Variants in EPHA7 observed in about 807,000 individuals in gnomAD.
The protein encoded by EPHA7 is EPH receptor A7.
A neutral mutation model predicts 112.6 loss-of-function variants in EPHA7; 25 were observed. The observed-to-expected ratio is 0.22, with a 90% CI of 0.16 to 0.31. The LOEUF (loss-of-function observed/expected upper bound fraction) is 0.31. Among genes scored for constraint, EPHA7 ranks in the 10% least tolerant of loss-of-function variants. The pLI is 1.00. For missense variants in EPHA7, 962 were observed against 1,212.6 expected (o/e 0.79, Z 3.07); for synonymous variants, 437 against 406.5 (o/e 1.07, Z -0.90).
chr6:93,276,586 C>T (rs188104395), intron 5 of EPHA7, among the ~76,000 whole-genome samples: 13 of 152,118 alleles, frequency 8.5e-5, no homozygotes, highest in Admixed American at 7.9e-4. Context: ...TTAAATTGTT[C>T]ACTGTTTGTG....
intron 3 of EPHA7, among the ~76,000 whole-genome samples, chr6:93,399,953 T>C (rs1326810049): frequency 2.0e-5 from 3 of 152,080 alleles, no homozygotes; most frequent in Non-Finnish European, 4.4e-5. Flanking sequence ...CTTGAAGAAT[T>C]TGTAATATTA....
intron 5 of EPHA7, among the ~76,000 whole-genome samples, chr6:93,338,025 CA>C (rs1033105370): frequency 4.0e-5 from 6 of 151,808 alleles, no homozygotes; most frequent in African/African-American, 1.5e-4. Context: ...AGGGAGAGAA[CA>C]AAAGGGAGAT....
chr6:93,401,214 T>A (rs1311310977), intron 3 of EPHA7, among the ~76,000 whole-genome samples: 1 of 152,084 alleles, frequency 6.6e-6, no homozygotes, highest in Non-Finnish European at 1.5e-5. Flanking sequence ...CTTAAATGAC[T>A]AAATAACATG....
rs116528538 is a variant in EPHA7, at chr6:93,335,351, C to T, written c.1324+21366G>A. 4.0e-3 allele frequency among the ~76,000 whole-genome samples: 614 copies of T among 152,090 alleles called. 4 individuals carry two copies. The highest frequency in any genetic ancestry group is 0.014 in the African/African-American group (582 of 41,520). ...TCATCAACATATGTGATACACTATCCGTGTAGGGTTGTAATGTAAGTGTTT... is the reference window on the plus strand; with the variant it reads ...TCATCAACATATGTGATACACTATCTGTGTAGGGTTGTAATGTAAGTGTTT... On this transcript the variant is annotated intron_variant, in intron 5 of 16. Transcript: ENST00000369303.
chr6:93,315,641 T>A (rs1318351113), intron 5 of EPHA7, among the ~76,000 whole-genome samples: 2 of 152,174 alleles, frequency 1.3e-5, no homozygotes. Context: ...GATGAATAAG[T>A]GATTTGGCTT....
At chr6:93,250,680 C>T (rs1222846515) in intron 14 of EPHA7, among the ~76,000 whole-genome samples, 1 of 151,976 alleles carries the variant, frequency 6.6e-6, no homozygotes. Flanking sequence ...GATAGCTGGC[C>T]CTCCACTTCT....
chr6:93,390,133 C>A (rs1197090245), intron 3 of EPHA7, among the ~76,000 whole-genome samples: 3 of 151,404 alleles, frequency 2.0e-5, no homozygotes, highest in Admixed American at 1.3e-4. Flanking sequence ...TGTATCCCTG[C>A]CCCCAAAATT....
In EPHA7 at chr6:93,243,446, C is replaced by A. The variant is rs746280640; in HGVS notation, c.2977G>T (p.Gly993Ter). The A allele has an allele frequency of 6.2e-7, 1 of 1,613,198 alleles. No homozygotes were observed. Residue 993 changes from glycine (G) to a stop codon, truncating the protein, a stop_gained, in exon 17 of 17, where the codon GGA becomes TGA. Coordinates refer to ENST00000369303, the MANE Select transcript of EPHA7 (RefSeq NM_004440.4). LOFTEE classifies it high-confidence loss of function. Reference sequence around the variant, plus strand: ...GCATATCACACTTGAATGCCAGTTCCATGTAAATGTAGCATTTGTGCTCTC... The same window carrying A: ...GCATATCACACTTGAATGCCAGTTCAATGTAAATGTAGCATTTGTGCTCTC... ...TMRAQMLHLHGTGIQV is the reference protein window; with the variant it reads ...TMRAQMLHLH
intron 5 of EPHA7, among the ~76,000 whole-genome samples, chr6:93,312,389 T>C (rs60795125): frequency 0.33 from 49,069 of 149,272 alleles, 8,065 homozygotes; most frequent in East Asian, 0.49. Flanking sequence ...TGCACTTTCA[T>C]GTTATGGAGA....
chr6:93,388,795 T>C (rs1777759016), intron 3 of EPHA7, among the ~76,000 whole-genome samples: 1 of 151,854 alleles, frequency 6.6e-6, no homozygotes, highest in Non-Finnish European at 1.5e-5. Context: ...AGGTGATGCA[T>C]AAAAAGATAA....
At chr6:93,248,354 T>C (rs1247698228) in intron 14 of EPHA7, among the ~76,000 whole-genome samples, 3 of 152,128 alleles carry the variant, frequency 2.0e-5, no homozygotes, top group Non-Finnish European at 4.4e-5. Flanking sequence ...GAAAAAAGTA[T>C]ACTTTTTTCT....
intron 5 of EPHA7, among the ~76,000 whole-genome samples, chr6:93,282,317 T>C (rs1363728636): frequency 1.3e-5 from 2 of 152,244 alleles, no homozygotes; most frequent in Non-Finnish European, 2.9e-5. Flanking sequence ...GAACACTGAG[T>C]GCTTAATAGG....
intron 5 of EPHA7, among the ~76,000 whole-genome samples, chr6:93,349,466 A>G (rs1775577058): frequency 6.6e-6 from 1 of 151,892 alleles, no homozygotes; most frequent in Admixed American, 6.6e-5. Context: ...CTGTTAAAGG[A>G]AATTTATTCG....
chr6:93,282,008 T>C (rs1378006703), intron 5 of EPHA7, among the ~76,000 whole-genome samples: 4 of 152,062 alleles, frequency 2.6e-5, no homozygotes, highest in Non-Finnish European at 4.4e-5. Flanking sequence ...CATATATATG[T>C]CACTATGTGC....
At position 93,400,398 on chromosome 6, in the gene EPHA7, G is replaced by A. The variant is rs565440571; in HGVS notation, c.832+10103C>T. On this transcript the variant is annotated intron_variant, in intron 3 of 16. Coordinates refer to ENST00000369303, the MANE Select transcript of EPHA7 (RefSeq NM_004440.4). ...CTTTCATTTATTTTTCTCAGAATAA[G>A]CTTTTATTTTATCAAGCAACTCCAC... Among the ~76,000 whole-genome samples the A allele has an allele frequency of 3.7e-4, 56 of 152,042 alleles. 3 individuals carry two copies. The South Asian group carries it at 0.012, about 32-fold the overall frequency.
chr6:93,351,241 C>G (rs961553877), intron 5 of EPHA7, among the ~76,000 whole-genome samples: 2 of 152,034 alleles, frequency 1.3e-5, no homozygotes, highest in African/African-American at 4.8e-5. Context: ...CCTGAGGGTT[C>G]ATTACAGGTA....
At chr6:93,383,991 A>G (rs1465393710) in intron 3 of EPHA7, among the ~76,000 whole-genome samples, 1 of 152,146 alleles carries the variant, frequency 6.6e-6, no homozygotes, top group Non-Finnish European at 1.5e-5. Flanking sequence ...CATGGCCAAC[A>G]TGAGTTTTTG....
chr6:93,340,551 C>T (rs1321634646), intron 5 of EPHA7, among the ~76,000 whole-genome samples: 3 of 151,266 alleles, frequency 2.0e-5, no homozygotes, highest in Non-Finnish European at 4.4e-5. Context: ...AAGTATAATA[C>T]AAATATTACA....
intron 5 of EPHA7, among the ~76,000 whole-genome samples, chr6:93,315,578 A>G (rs1172919995): frequency 1.3e-5 from 2 of 152,164 alleles, no homozygotes; most frequent in Non-Finnish European, 2.9e-5. Flanking sequence ...CCAATGGTCA[A>G]GTCTATTTTT....
Sources: allele counts gnomAD v4.1 joint callset (sites outside exome capture counted in the v4.1 genomes callset), GRCh38; gene constraint gnomAD v4.1.1; transcripts MANE v1.5; gene names NCBI Gene and HGNC (gene_info 2026-07-23, HGNC 2026-07-21).